Variants in TANC1 observed in about 807,000 individuals in gnomAD.
The protein encoded by TANC1 is tetratricopeptide repeat, ankyrin repeat and coiled-coil containing 1.
TANC1 carries 77 observed loss-of-function variants against 149.7 expected under a neutral mutation model. The ratio of observed to expected loss-of-function variants is 0.51; its 90% CI spans 0.43 to 0.62. The LOEUF (loss-of-function observed/expected upper bound fraction) is 0.62. Among genes scored for constraint, TANC1 ranks in the 20% least tolerant of loss-of-function variants. TANC1 has a pLI of 0.00. For missense variants in TANC1, 1,985 were observed against 2,321.8 expected (o/e 0.85, Z 2.98); for synonymous variants, 854 against 925.0 (o/e 0.92, Z 1.39).
chr2:158,969,249 C>T (rs894940391), intron 1 of TANC1, among the ~76,000 whole-genome samples: 2 of 152,006 alleles, frequency 1.3e-5, no homozygotes, highest in Non-Finnish European at 2.9e-5. Flanking sequence ...GCGCGCCTGG[C>T]ACCGCGGGGT....
intron 1 of TANC1, among the ~76,000 whole-genome samples, chr2:158,998,539 G>A (rs533219860): frequency 3.4e-4 from 52 of 152,314 alleles, no homozygotes; most frequent in African/African-American, 1.1e-3. Flanking sequence ...GCCCTGTTGA[G>A]CCTCGAGGCG....
At chr2:158,981,541 AT>A (rs1167250187) in intron 1 of TANC1, among the ~76,000 whole-genome samples, 10 of 103,108 alleles carry the variant, frequency 9.7e-5, no homozygotes, top group South Asian at 9.2e-4. Flanking sequence ...ATATATATAT[AT>A]AAAGAAGTAA....
intron 16 of TANC1, among the ~76,000 whole-genome samples, chr2:159,189,025 C>A (rs1035365698): frequency 5.9e-5 from 9 of 152,216 alleles, no homozygotes; most frequent in Non-Finnish European, 5.9e-5. Context: ...TTGTGCTTAG[C>A]GCTCAGCTCG....
chr2:159,159,802 G>C (rs1402385631), intron 7 of TANC1, among the ~76,000 whole-genome samples: 2 of 150,314 alleles, frequency 1.3e-5, no homozygotes, highest in East Asian at 4.0e-4. Context: ...AGGTGGGGTT[G>C]ATGGTTCTCA....
chr2:159,216,806 T>A (rs2059380077), intron 19 of TANC1, among the ~76,000 whole-genome samples: 1 of 152,102 alleles, frequency 6.6e-6, no homozygotes, highest in Non-Finnish European at 1.5e-5. Flanking sequence ...TAACCCTGAA[T>A]CTTGACTTGT....
At chr2:159,079,259 G>A (rs575405266) in intron 3 of TANC1, among the ~76,000 whole-genome samples, 12 of 151,072 alleles carry the variant, frequency 7.9e-5, no homozygotes, top group Non-Finnish European at 1.6e-4. Context: ...TTGAATTCCC[G>A]AACTCAAGCG....
chr2:159,137,263 A>G (rs536008028), intron 5 of TANC1, among the ~76,000 whole-genome samples: 1 of 152,242 alleles, frequency 6.6e-6, no homozygotes, highest in South Asian at 2.1e-4. Flanking sequence ...GGAGTGGGTA[A>G]TAAGTAGGAC....
intron 19 of TANC1, among the ~76,000 whole-genome samples, chr2:159,212,107 C>T (rs1405060247): frequency 6.6e-6 from 1 of 152,140 alleles, no homozygotes; most frequent in Non-Finnish European, 1.5e-5. Context: ...ATTTAAAGGC[C>T]CCGTTTATAA....
Position 159,229,630 on chromosome 2 carries a change from A to G in TANC1, c.4204A>G (p.Thr1402Ala), listed in dbSNP as rs1184814537. Residue 1402 changes from threonine (T) to alanine (A), a missense_variant, in exon 27 of 27, where the codon ACC becomes GCC. Coordinates refer to ENST00000263635, the MANE Select transcript of TANC1 (RefSeq NM_033394.3). ...DLQEAVKLCP[T>A]NQEVKRLLAR... ...GCAAGAGGCTGTGAAACTCTGTCCC[A>G]CCAATCAGGAAGTCAAGAGGCTTCT... 2 of 1,613,956 alleles carry G rather than the reference A, an allele frequency of 1.2e-6. No individual in the cohort carries two copies. The highest frequency in any genetic ancestry group is 2.2e-5 in the South Asian group (2 of 91,056).
chr2:159,147,860 T>C (rs1256597758), intron 5 of TANC1: 1 of 152,204 alleles, frequency 6.6e-6, no homozygotes, highest in African/African-American at 2.4e-5. Flanking sequence ...CAGCGTAGTT[T>C]CCCTTGTAGC....
At chr2:159,198,850 T>G (rs893649064) in intron 18 of TANC1, 125 bp from the exon 19 acceptor site, 21 of 600,886 alleles carry the variant, frequency 3.5e-5, no homozygotes, top group Non-Finnish European at 5.4e-5. Flanking sequence ...TTCATTATAT[T>G]TTTCTCTCCT....
chr2:159,031,577 A>G (rs2039785180), intron 2 of TANC1, among the ~76,000 whole-genome samples: 1 of 152,252 alleles, frequency 6.6e-6, no homozygotes, highest in South Asian at 2.1e-4. Flanking sequence ...ATAACCCTAT[A>G]TTACAGAACT....
chr2:159,100,838 C>G (rs1248917694), intron 4 of TANC1, among the ~76,000 whole-genome samples: 1 of 151,814 alleles, frequency 6.6e-6, no homozygotes, highest in African/African-American at 2.4e-5. Context: ...GTAAAAGTAT[C>G]CAGAGCTCTA....
At position 159,169,286 on chromosome 2, in the gene TANC1, T is replaced by C. The variant is rs767760023; in HGVS notation, c.983T>C (p.Leu328Ser). 1 of 1,613,882 alleles carries C rather than the reference T, an allele frequency of 6.2e-7. No individual in the cohort carries two copies. Among genetic ancestry groups the C allele is most frequent in the South Asian group, 1.1e-5 (1 of 91,062 alleles). The change falls in exon 9 of 27, where the codon TTA (leucine) becomes TCA (serine). Residue 328 changes from leucine to serine, a missense_variant. This residue lies in a region of TANC1 where 557 missense variants were observed against 612.9 expected (regional missense o/e 0.91). Transcript: ENST00000263635. ...ACCAAATTGGAAGATCTGAGTTATT[T>C]AGACGGGCAGAGAAATGCTCCTCTA... ...SSTKLEDLSYLDGQRNAPLRT... is the reference protein window; with the variant it reads ...SSTKLEDLSYSDGQRNAPLRT...
intron 7 of TANC1, among the ~76,000 whole-genome samples, chr2:159,150,940 A>G (rs987294347): frequency 3.9e-5 from 6 of 152,086 alleles, no homozygotes; most frequent in African/African-American, 1.4e-4. Flanking sequence ...CCCAATCTCA[A>G]GGTCACTTAT....
chr2:159,178,846 G>A lies in TANC1; in HGVS notation c.2193G>A (p.Val731=). ...GTGCCAGCTACAAGGTGGTGCCCGT[G>A]TCTCTCTCTGAGCTCTATTTGCTTC... The part of the protein sequence containing the change: ...IKSASYKVVP[V]SLSELYLLQC... Residue 731 remains valine (V), a synonymous_variant, in exon 14 of 27, where the codon GTG becomes GTA. Coordinates refer to ENST00000263635, the MANE Select transcript of TANC1 (RefSeq NM_033394.3). 6.2e-7 allele frequency: 1 copy of A among 1,614,172 alleles called. No individual in the cohort carries two copies. Among genetic ancestry groups the A allele is most frequent in the Non-Finnish European group, 8.5e-7 (1 of 1,180,038 alleles).
chr2:159,053,614 C>A (rs187255563), intron 2 of TANC1, among the ~76,000 whole-genome samples: 95 of 152,342 alleles, frequency 6.2e-4, no homozygotes, highest in African/African-American at 2.1e-3. Context: ...ACATTGAGAT[C>A]ATCAGGCCAT....
chr2:159,228,418 T>C lies in TANC1; in HGVS notation c.4051-378T>C, dbSNP rs558645649. 4 of 255,312 alleles carry C rather than the reference T, an allele frequency of 1.6e-5. No homozygotes were observed. The East Asian group carries it at 3.5e-4, about 22-fold the overall frequency. 15.8% of individuals were successfully genotyped at this position (255,312 alleles called of 1,614,324 possible). A position where few individuals can be genotyped will look rare whatever the true frequency, so the allele number is the denominator to read the frequency against. On this transcript the variant is annotated intron_variant, in intron 25 of 26. Coordinates refer to ENST00000263635, the MANE Select transcript of TANC1 (RefSeq NM_033394.3). ...GTAACTAGTAGATCTGTTTCAGTAG[T>C]ACTTCCTACCTTTTTTTTAACTGTG...
At chr2:159,155,679 C>A (rs1488189893) in intron 7 of TANC1, among the ~76,000 whole-genome samples, 3 of 152,322 alleles carry the variant, frequency 2.0e-5, no homozygotes, top group African/African-American at 7.2e-5. Context: ...CTTCTGAATG[C>A]CTTTCCTTTG....
Sources: gnomAD v4.1 joint callset for allele counts (sites outside exome capture counted in the v4.1 genomes callset) on GRCh38, gnomAD v4.1.1 for gene constraint, gnomAD v4.1.1 regional missense constraint, MANE v1.5 for transcripts, NCBI Gene and HGNC (gene_info 2026-07-23, HGNC 2026-07-21) for gene names.